Variants in SLC2A9 observed in about 807,000 individuals in gnomAD.
The protein encoded by SLC2A9 is solute carrier family 2 member 9.
In SLC2A9, 39 loss-of-function variants were observed where a neutral mutation model predicts 50.6. The observed-to-expected ratio is 0.77, with a 90% CI of 0.60 to 1.01. The LOEUF is 1.01. Among genes scored for constraint, SLC2A9 ranks in the 50% least tolerant of loss-of-function variants. SLC2A9 has a pLI of 0.00. For synonymous variants in SLC2A9, 324 were observed against 276.9 expected (o/e 1.17, Z -1.69); for missense variants, 686 against 677.6 (o/e 1.01, Z -0.14).
chr4:9,844,857 T>C (rs923603241), intron 10 of SLC2A9, among the ~76,000 whole-genome samples: 1 of 152,266 alleles, frequency 6.6e-6, no homozygotes, highest in Admixed American at 6.5e-5. Context: ...TTTTGTTTTA[T>C]GCATTAAATG....
chr4:10,026,333 A>C (rs958461640), upstream of SLC2A9, among the ~76,000 whole-genome samples: 1 of 152,236 alleles, frequency 6.6e-6, no homozygotes, highest in East Asian at 1.9e-4. Flanking sequence ...AGTGTCACCC[A>C]TATTTTTTTT....
At chr4:9,777,655 A>G (rs995935359), downstream of SLC2A9, among the ~76,000 whole-genome samples, 3 of 152,216 alleles carry the variant, frequency 2.0e-5, no homozygotes, top group African/African-American at 7.2e-5. Context: ...TTACCAACAA[A>G]GATTTGTCAA....
chr4:9,913,582 T>C (rs572387652), intron 7 of SLC2A9, among the ~76,000 whole-genome samples: 1 of 152,298 alleles, frequency 6.6e-6, no homozygotes, highest in African/African-American at 2.4e-5. Flanking sequence ...CTGTTTCCAT[T>C]TGGGGAGCAT....
intron 11 of SLC2A9, 28 bp from the exon 12 acceptor site, chr4:9,826,628 CA>C (rs1560157861): frequency 6.2e-7 from 1 of 1,600,494 alleles, no homozygotes; most frequent in Non-Finnish European, 8.6e-7. Context: ...CAAAAACCCT[CA>C]AATAGATAAT....
At chr4:9,995,455 C>T (rs761217433) in intron 3 of SLC2A9, among the ~76,000 whole-genome samples, 2 of 152,140 alleles carry the variant, frequency 1.3e-5, no homozygotes, top group African/African-American at 4.8e-5. Context: ...TAGTTTTCTC[C>T]TTGTTGGGCT....
At chr4:9,963,234 T>C (rs868640097) in intron 5 of SLC2A9, among the ~76,000 whole-genome samples, 22 of 152,288 alleles carry the variant, frequency 1.4e-4, no homozygotes, top group Admixed American at 1.0e-3. Flanking sequence ...GAGAACAGTA[T>C]AGGGGAAAGC....
intron 3 of SLC2A9, among the ~76,000 whole-genome samples, chr4:9,787,249 T>C (rs977971453): frequency 6.6e-6 from 1 of 152,220 alleles, no homozygotes; most frequent in African/African-American, 2.4e-5. Flanking sequence ...TAGAAGTGAG[T>C]CATTACGTCC....
chr4:9,893,191 A>G (rs766305434), intron 8 of SLC2A9, among the ~76,000 whole-genome samples: 6 of 152,126 alleles, frequency 3.9e-5, no homozygotes, highest in Non-Finnish European at 8.8e-5. Context: ...CCGGACCCGA[A>G]CAAGGGCACT....
chr4:9,844,167 A>AC, intron 10 of SLC2A9, among the ~76,000 whole-genome samples: 1 of 47,590 alleles, frequency 2.1e-5, no homozygotes, highest in Admixed American at 2.1e-4. Context: ...AAATAATAAT[A>AC]AAAAAAAAAA....
At chr4:9,811,867 A>G (rs978965717) in intron 3 of SLC2A9, among the ~76,000 whole-genome samples, 1 of 152,164 alleles carries the variant, frequency 6.6e-6, no homozygotes, top group Non-Finnish European at 1.5e-5. Context: ...TGAGAAACTG[A>G]AGAATAAAAC....
intron 3 of SLC2A9, among the ~76,000 whole-genome samples, chr4:9,789,458 C>T (rs1341725625): frequency 6.6e-6 from 1 of 152,136 alleles, no homozygotes; most frequent in Non-Finnish European, 1.5e-5. Context: ...TGGGAAGCTA[C>T]TAGGGATCAA....
intron 2 of SLC2A9, among the ~76,000 whole-genome samples, chr4:10,004,314 C>T (rs1476733921): frequency 1.3e-5 from 2 of 152,164 alleles, no homozygotes; most frequent in Non-Finnish European, 2.9e-5. Context: ...CCTGCTAGAC[C>T]TCACAGTGCT....
intron 10 of SLC2A9, among the ~76,000 whole-genome samples, chr4:9,857,209 T>A (rs1464440147): frequency 6.6e-6 from 1 of 152,186 alleles, no homozygotes; most frequent in Admixed American, 6.5e-5. Context: ...GAACCTGGGT[T>A]CCCACTCATT....
intron 3 of SLC2A9, among the ~76,000 whole-genome samples, chr4:9,992,534 G>A (rs377005309): frequency 2.6e-5 from 4 of 152,290 alleles, no homozygotes; most frequent in East Asian, 3.9e-4. Context: ...ACCCTTGAAC[G>A]CATGCAACCT....
intron 8 of SLC2A9, 30 bp downstream of exon 8, chr4:9,908,205 A>G: frequency 1.4e-6 from 2 of 1,471,796 alleles, no homozygotes; most frequent in Non-Finnish European, 1.9e-6. Flanking sequence ...CCCCTGTGGC[A>G]TTCTCAGGAG....
intron 10 of SLC2A9, among the ~76,000 whole-genome samples, chr4:9,861,059 T>C (rs2109394048): frequency 6.6e-6 from 1 of 152,308 alleles, no homozygotes; most frequent in East Asian, 1.9e-4. Context: ...CACTTATTGC[T>C]ACACGTATTA....
chr4:9,906,959 T>C (rs1298655786), intron 8 of SLC2A9, among the ~76,000 whole-genome samples: 1 of 152,218 alleles, frequency 6.6e-6, no homozygotes, highest in Admixed American at 6.5e-5. Context: ...TTTTATGGTA[T>C]CTATTTTTTA....
chr4:9,803,956 A>G (rs1229986660), intron 3 of SLC2A9, among the ~76,000 whole-genome samples: 1 of 152,226 alleles, frequency 6.6e-6, no homozygotes, highest in African/African-American at 2.4e-5. Flanking sequence ...TCTAAAGGTT[A>G]TATCTATTCA....
At chr4:9,865,785 G>A (rs1172340506) in intron 10 of SLC2A9, among the ~76,000 whole-genome samples, 1 of 151,850 alleles carries the variant, frequency 6.6e-6, no homozygotes, top group Non-Finnish European at 1.5e-5. Context: ...GGAAGGGAGT[G>A]GGCAGGAGCT....
Sources: gnomAD v4.1 joint callset for allele counts (sites outside exome capture counted in the v4.1 genomes callset) on GRCh38, gnomAD v4.1.1 for gene constraint, MANE v1.5 for transcripts, NCBI Gene and HGNC (gene_info 2026-07-23, HGNC 2026-07-21) for gene names.